The following ALDH3A2 variants were observed in gnomAD, a reference collection of about 807,000 sequenced individuals.
The protein encoded by ALDH3A2 is aldehyde dehydrogenase family 3 member A2.
A neutral mutation model predicts 51.3 loss-of-function variants in ALDH3A2; 36 were observed. The ratio of observed to expected loss-of-function variants is 0.70; its 90% CI spans 0.54 to 0.93. The LOEUF is 0.93. Ranked by LOEUF, ALDH3A2 falls within the 40% of genes least tolerant of loss-of-function variation. The probability of loss-of-function intolerance (pLI) is 0.00; values close to 1 mark genes in which losing one functional copy is unlikely to be tolerated. For synonymous variants in ALDH3A2, 199 were observed against 219.8 expected (o/e 0.91, Z 0.84); for missense variants, 552 against 603.1 (o/e 0.92, Z 0.89).
intron 8 of ALDH3A2, among the ~76,000 whole-genome samples, chr17:19,670,305 A>C (rs930269235): frequency 2.0e-5 from 3 of 151,888 alleles, no homozygotes; most frequent in African/African-American, 7.3e-5. Flanking sequence ...AATATGTTAT[A>C]TCATCTCTTC....
chr17:19,649,298 T>C, intron 1 of ALDH3A2, 174 bp downstream of exon 1: 1 of 841,016 alleles, frequency 1.2e-6, no homozygotes, highest in Non-Finnish European at 1.8e-6. Context: ...CCCGGTCCTC[T>C]AGCACTCAGA....
At chr17:19,674,387 A>G (rs2085161146) in intron 9 of ALDH3A2, 1 of 152,242 alleles carries the variant, frequency 6.6e-6, no homozygotes, top group African/African-American at 2.4e-5. Flanking sequence ...GGTGCAGTGC[A>G]GTGTGCCAGG....
In ALDH3A2 at chr17:19,656,586, T is replaced by G. The variant is rs1417900680; in HGVS notation, c.680+12T>G. 3 of 1,599,242 alleles carry G rather than the reference T, an allele frequency of 1.9e-6. No individual in the cohort carries two copies. Among genetic ancestry groups the G allele is most frequent in the Admixed American group, 1.7e-5 (1 of 57,510 alleles). ...GACATTGTTTGCAGGTGAGTCTGGCTCTCTGATTTTCTGAGGTTTTCCCAG... is the reference window on the plus strand; with the variant it reads ...GACATTGTTTGCAGGTGAGTCTGGCGCTCTGATTTTCTGAGGTTTTCCCAG... On this transcript the variant is annotated intron_variant, in intron 4 of 9. Transcript: ENST00000176643.
chr17:19,658,187 G>A (rs1340594844), intron 5 of ALDH3A2, among the ~76,000 whole-genome samples: 1 of 152,190 alleles, frequency 6.6e-6, no homozygotes, highest in Non-Finnish European at 1.5e-5. Context: ...GGTATAATCA[G>A]AGAGACTCTT....
At chr17:19,653,745 A>G (rs919034744) in intron 3 of ALDH3A2, among the ~76,000 whole-genome samples, 16 of 152,202 alleles carry the variant, frequency 1.1e-4, no homozygotes, top group African/African-American at 3.9e-4. Context: ...TGAAAGAACA[A>G]AGCTTCCACA....
rs996943164 is a variant in ALDH3A2, at chr17:19,649,062, C to T, written c.91C>T (p.Arg31Trp). 66 of 1,584,340 alleles carry T rather than the reference C, an allele frequency of 4.2e-5. No individual in the cohort carries two copies. In the East Asian group the frequency reaches 1.4e-3, roughly 33 times the overall value. The change falls in exon 1 of 10, where the codon CGG becomes TGG. Residue 31 changes from arginine (R) to tryptophan (W), a missense_variant. Coordinates refer to ENST00000176643, the MANE Select transcript of ALDH3A2 (RefSeq NM_000382.3). ...TCGGCTGCAGCAGCTGGAGGCCCTG[C>T]GGAGGATGGTGCAGGAGCGCGAGAA... is the stretch of plus-strand genomic sequence containing the variant. ...RFRLQQLEAL[R>W]RMVQEREKDI...
chr17:19,657,619 A>G, intron 4 of ALDH3A2, 126 bp from the exon 5 acceptor site: 1 of 777,856 alleles, frequency 1.3e-6, no homozygotes, highest in Non-Finnish European at 2.2e-6. Flanking sequence ...TAACTTTTTT[A>G]TAAAAATTGC....
intron 3 of ALDH3A2, chr17:19,656,002 T>C (rs1378127994): frequency 2.8e-6 from 1 of 350,954 alleles, no homozygotes; most frequent in East Asian, 7.2e-5. Context: ...GACTAAGACA[T>C]GCATGACCTG....
chr17:19,664,942 C>T lies in ALDH3A2; in HGVS notation c.1108-6C>T. 1 of 1,612,276 alleles carries T rather than the reference C, an allele frequency of 6.2e-7. No individual in the cohort carries two copies. Among genetic ancestry groups the T allele is most frequent in the Non-Finnish European group, 8.5e-7 (1 of 1,179,064 alleles). ...ACTGACCTGGACACCTTTGGTCTGT[C>T]CTCAGCTCATCAAACGGATGATTGA... On this transcript the variant is annotated splice_region_variant and splice_polypyrimidine_tract_variant and intron_variant, in intron 7 of 9. Transcript: ENST00000176643.
intron 3 of ALDH3A2, among the ~76,000 whole-genome samples, chr17:19,653,684 C>T (rs1316335786): frequency 5.9e-5 from 9 of 152,130 alleles, no homozygotes; most frequent in South Asian, 2.1e-4. Context: ...CAGCTCATAA[C>T]GGCAGTGCGG....
intron 8 of ALDH3A2, among the ~76,000 whole-genome samples, chr17:19,666,682 CAGG>C (rs1205750347): frequency 2.0e-5 from 3 of 152,032 alleles, no homozygotes; most frequent in Non-Finnish European, 2.9e-5. Flanking sequence ...GAGGCTGAGG[CAGG>C]AGAATTGCTT....
intron 8 of ALDH3A2, among the ~76,000 whole-genome samples, chr17:19,667,363 G>A (rs1187576666): frequency 1.3e-5 from 2 of 151,920 alleles, no homozygotes; most frequent in Non-Finnish European, 2.9e-5. Flanking sequence ...CTTATATAAT[G>A]TATCTTTATG....
rs1287883220 is a variant in ALDH3A2 at position 19,654,647 on chromosome 17, G to A, written c.472-1719G>A. On this transcript the variant is annotated intron_variant, in intron 3 of 9. Transcript: ENST00000176643. This position sits in a 1 kb window ranked among gnomAD's most constrained non-coding sequence, Gnocchi z 4.5. ...TTGAGCCTGCGCCCACCCAGAACTC[G>A]CTCTGGCTTGTGAGCGCCACGCGCA... is the stretch of plus-strand genomic sequence containing the variant. 6.6e-6 allele frequency among the ~76,000 whole-genome samples: 1 copy of A among 152,036 alleles called. No homozygotes were observed. The highest frequency in any genetic ancestry group is 2.4e-5 in the African/African-American group (1 of 41,408).
intron 5 of ALDH3A2, 37 bp from the exon 6 acceptor site, chr17:19,661,090 C>T (rs1555534094): frequency 1.3e-6 from 2 of 1,595,618 alleles, no homozygotes; most frequent in South Asian, 2.2e-5. Context: ...AATTGTGGGT[C>T]TTTGTGACAT....
intron 3 of ALDH3A2, 116 bp downstream of exon 3, chr17:19,652,748 C>G: frequency 1.1e-6 from 1 of 878,692 alleles, no homozygotes; most frequent in Middle Eastern, 2.3e-4. Context: ...TCTCTTTAAG[C>G]CTTCAACAGT....
Position 19,655,125 on chromosome 17 carries a change from T to A in ALDH3A2, c.472-1241T>A, listed in dbSNP as rs4646794. ...TATGATGCCGCGAAGAAATTGGCACTGCTGAGTTCTACATGCAGTTGCTAC... is the reference window on the plus strand; with the variant it reads ...TATGATGCCGCGAAGAAATTGGCACAGCTGAGTTCTACATGCAGTTGCTAC... On this transcript the variant is annotated intron_variant, in intron 3 of 9. Transcript: ENST00000176643. Among the ~76,000 whole-genome samples the A allele has an allele frequency of 6.8e-3, 1,035 of 152,360 alleles. 4 individuals are homozygous for A. The highest frequency in any genetic ancestry group is 0.028 in the East Asian group (146 of 5,188).
Position 19,676,989 on chromosome 17 carries a change from G to C in ALDH3A2, c.*1417G>C, listed in dbSNP as rs1466602017. On this transcript the variant is annotated 3_prime_UTR_variant, in exon 10 of 10. Coordinates refer to ENST00000176643, the MANE Select transcript of ALDH3A2 (RefSeq NM_000382.3). ...GTTGGTCATACTGAAGGGAATTGAT[G>C]GCAAGAGGATCCCCTGAGCAAGTCA... 1 of 152,224 alleles carries C rather than the reference G, an allele frequency of 6.6e-6. No individual in the cohort carries two copies. Among genetic ancestry groups the C allele is most frequent in the Admixed American group, 6.5e-5 (1 of 15,280 alleles). The allele number at this position is 152,224 out of a possible 1,614,324, so 9.4% of individuals were successfully genotyped here. A position where few individuals can be genotyped will look rare whatever the true frequency, so the allele number is the denominator to read the frequency against.
In ALDH3A2 at chr17:19,675,715, A is replaced by G; in HGVS notation, c.*143A>G. The stretch of plus-strand genomic sequence containing the variant: ...GTGATCAAACTTAAAAGTCATTGCC[A>G]TTCATCATTAATAAAAGTTGCCATT... On this transcript the variant is annotated 3_prime_UTR_variant, in exon 10 of 10. Coordinates refer to ENST00000176643, the MANE Select transcript of ALDH3A2 (RefSeq NM_000382.3). 2.1e-6 allele frequency: 2 copies of G among 964,326 alleles called. No individual in the cohort carries two copies. The highest frequency in any genetic ancestry group is 1.3e-5 in the South Asian group (1 of 74,594). The allele number at this position is 964,326 out of a possible 1,614,324, so 59.7% of individuals were successfully genotyped here.
At chr17:19,664,895 G>C (rs1424914296) in intron 7 of ALDH3A2, 53 bp from the exon 8 acceptor site, 4 of 1,289,388 alleles carry the variant, frequency 3.1e-6, no homozygotes, top group South Asian at 1.2e-5. Flanking sequence ...GGGGCCATGA[G>C]TGTTCCCTAA....
Sources: allele counts gnomAD v4.1 joint callset (sites outside exome capture counted in the v4.1 genomes callset), GRCh38; gene constraint gnomAD v4.1.1; non-coding constraint Gnocchi (gnomAD v3.1); transcripts MANE v1.5; gene names NCBI Gene and HGNC (gene_info 2026-07-23, HGNC 2026-07-21).